Variants in CSMD1 observed in about 807,000 individuals in gnomAD.
CSMD1 encodes the protein CUB and Sushi multiple domains 1, also known as CUB and sushi domain-containing protein 1.
A neutral mutation model predicts 417.5 loss-of-function variants in CSMD1; 213 were observed. The ratio of observed to expected loss-of-function variants is 0.51; its 90% CI spans 0.46 to 0.57. The LOEUF is 0.57. Ranked by LOEUF, CSMD1 falls within the 20% of genes least tolerant of loss-of-function variation. The pLI, the probability that CSMD1 is intolerant of heterozygous loss-of-function variation, is 0.00. For missense variants in CSMD1, 6,923 were observed against 4,529.7 expected, an observed-to-expected ratio of 1.53 and a Z score of -15.17; for synonymous variants, 2,862 against 1,736.8, an observed-to-expected ratio of 1.65 and a Z score of -16.11.
At chr8:4,601,235 C>T (rs766654527) in intron 2 of CSMD1, among the ~76,000 whole-genome samples, 7 of 152,240 alleles carry the variant, frequency 4.6e-5, no homozygotes, top group East Asian at 3.9e-4. Context: ...GGATTACAGG[C>T]GTGAGCCACC....
chr8:4,128,168 G>C (rs992340922), intron 3 of CSMD1, among the ~76,000 whole-genome samples: 1 of 152,060 alleles, frequency 6.6e-6, no homozygotes, highest in South Asian at 2.1e-4. Context: ...TGCACTCTTG[G>C]TCGGGGACCC....
Position 4,173,410 on chromosome 8 carries a change from G to A in CSMD1, c.416-141311C>T, listed in dbSNP as rs151087252. Among the ~76,000 whole-genome samples, 119 of 152,136 alleles carry A rather than the reference G, an allele frequency of 7.8e-4. 2 individuals are homozygous for A. The East Asian group carries it at 0.014, about 19-fold the overall frequency. On this transcript the variant is annotated intron_variant, in intron 3 of 69. Coordinates refer to ENST00000635120, the MANE Select transcript of CSMD1 (RefSeq NM_033225.6). The stretch of plus-strand genomic sequence containing the variant: ...ATAAAGAGAAGTTTGCATTTAACGT[G>A]GTGACTACAGAGGTAAAGGTCACCA...
intron 38 of CSMD1, among the ~76,000 whole-genome samples, 151 bp from the exon 39 acceptor site, chr8:3,158,117 T>G (rs1359598979): frequency 6.6e-6 from 1 of 152,220 alleles, no homozygotes; most frequent in African/African-American, 2.4e-5. Flanking sequence ...TTAGTAATGA[T>G]TATTAGTGAG....
intron 5 of CSMD1, among the ~76,000 whole-genome samples, chr8:3,881,906 G>C (rs904212552): frequency 2.0e-5 from 3 of 152,132 alleles, no homozygotes; most frequent in Non-Finnish European, 4.4e-5. Flanking sequence ...TGTTCATACA[G>C]AAAAAGTTAC....
intron 1 of CSMD1, among the ~76,000 whole-genome samples, chr8:4,820,541 G>C (rs147508934): frequency 6.6e-6 from 1 of 152,166 alleles, no homozygotes; most frequent in African/African-American, 2.4e-5. Flanking sequence ...GAATAATAAG[G>C]GAATGATCCA....
At chr8:2,978,365 G>C (rs1187693814) in intron 55 of CSMD1, among the ~76,000 whole-genome samples, 1 of 152,166 alleles carries the variant, frequency 6.6e-6, no homozygotes, top group Non-Finnish European at 1.5e-5. Context: ...TTGTCCAAGT[G>C]GCATCCAATA....
chr8:4,588,859 C>A (rs953727620), intron 2 of CSMD1, among the ~76,000 whole-genome samples: 1 of 151,882 alleles, frequency 6.6e-6, no homozygotes, highest in African/African-American at 2.4e-5. Flanking sequence ...GCTCAAGCTT[C>A]CACTGACGCG....
At chr8:3,299,153 T>TA (rs566790003) in intron 25 of CSMD1, among the ~76,000 whole-genome samples, 289 of 152,012 alleles carry the variant, frequency 1.9e-3, no homozygotes, top group Middle Eastern at 0.014. Flanking sequence ...TAAAGGAAGT[T>TA]AAAAAAAATG....
intron 3 of CSMD1, among the ~76,000 whole-genome samples, chr8:4,241,246 A>C (rs1199795099): frequency 6.6e-6 from 1 of 152,160 alleles, no homozygotes; most frequent in African/African-American, 2.4e-5. Flanking sequence ...GACACCCTTC[A>C]TATACACCAC....
chr8:4,040,210 T>C (rs571287586), intron 3 of CSMD1, among the ~76,000 whole-genome samples: 2 of 152,348 alleles, frequency 1.3e-5, no homozygotes, highest in South Asian at 2.1e-4. Context: ...TCGTAGTTTT[T>C]CATTTAGCAA....
intron 3 of CSMD1, among the ~76,000 whole-genome samples, chr8:4,136,404 G>C (rs1803438317): frequency 6.6e-6 from 1 of 152,126 alleles, no homozygotes; most frequent in South Asian, 2.1e-4. Flanking sequence ...AGGGTCCCTT[G>C]AAATAAATAA....
rs1005862907 is a variant in CSMD1, at chr8:4,864,887, C to CACACAT, written c.85+129444_85+129445insATGTGT. On this transcript the variant is annotated intron_variant, in intron 1 of 69. Transcript: ENST00000635120. ...TATTGGATTCTACTACACACACACA[C>CACACAT]ACACACACAAACACACACACACACA... Among the ~76,000 whole-genome samples, 133 of 149,774 alleles carry CACACAT rather than the reference C, an allele frequency of 8.9e-4. 2 individuals carry two copies. The highest frequency in any genetic ancestry group is 3.3e-3 in the African/African-American group (131 of 40,250).
At position 3,796,780 on chromosome 8, in the gene CSMD1, C is replaced by T. The variant is rs555377219; in HGVS notation, c.819-42738G>A. On this transcript the variant is annotated intron_variant, in intron 5 of 69. Coordinates refer to ENST00000635120, the MANE Select transcript of CSMD1 (RefSeq NM_033225.6). The stretch of plus-strand genomic sequence containing the variant: ...TACAAAATATTCTGATCATCATATT[C>T]TTGAAATTCCATTCACTTCATTTTC... Among the ~76,000 whole-genome samples the T allele has an allele frequency of 2.1e-3, 325 of 151,254 alleles. 3 individuals are homozygous for T. Among genetic ancestry groups the T allele is most frequent in the African/African-American group, 7.3e-3 (301 of 41,430 alleles).
intron 1 of CSMD1, among the ~76,000 whole-genome samples, chr8:4,765,168 C>G (rs1017792777): frequency 6.6e-6 from 1 of 151,954 alleles, no homozygotes; most frequent in Non-Finnish European, 1.5e-5. Flanking sequence ...GACTTTTTTT[C>G]TTTATTTTTT....
intron 7 of CSMD1, among the ~76,000 whole-genome samples, chr8:3,633,403 G>C (rs1364682116): frequency 6.6e-6 from 1 of 152,170 alleles, no homozygotes; most frequent in Non-Finnish European, 1.5e-5. Context: ...AACTAGGCAA[G>C]ACTTCACAGT....
chr8:3,278,109 A>G (rs1212922819), intron 26 of CSMD1, among the ~76,000 whole-genome samples: 1 of 152,190 alleles, frequency 6.6e-6, no homozygotes, highest in African/African-American at 2.4e-5. Flanking sequence ...GAATCAGCCA[A>G]AGAGCCAATG....
At chr8:3,957,948 G>T (rs577873286) in intron 5 of CSMD1, among the ~76,000 whole-genome samples, 1 of 152,066 alleles carries the variant, frequency 6.6e-6, no homozygotes, top group Non-Finnish European at 1.5e-5. Context: ...ATCCTGCAGG[G>T]TATAAAATAT....
At chr8:4,680,232 G>C (rs1348759985) in intron 1 of CSMD1, among the ~76,000 whole-genome samples, 2 of 152,094 alleles carry the variant, frequency 1.3e-5, no homozygotes, top group Non-Finnish European at 2.9e-5. Flanking sequence ...TGTGCTTCTG[G>C]ACATTCCGCT....
Position 3,753,915 on chromosome 8 carries a change from A to C in CSMD1, c.931+15T>G. On this transcript the variant is annotated intron_variant, in intron 6 of 69. Transcript: ENST00000635120. ...CTCTGTTTTTTTTTTTTCTTATAAG[A>C]TGGAGCATCCTTACCTTGGAACTGA... is the stretch of plus-strand genomic sequence containing the variant. The C allele has an allele frequency of 1.3e-6, 2 of 1,540,694 alleles. No individual in the cohort carries two copies. Among genetic ancestry groups the C allele is most frequent in the African/African-American group, 1.4e-5 (1 of 72,896 alleles).
Sources: gnomAD v4.1 joint callset for allele counts (sites outside exome capture counted in the v4.1 genomes callset) on GRCh38, gnomAD v4.1.1 for gene constraint, MANE v1.5 for transcripts, NCBI Gene and HGNC (gene_info 2026-07-23, HGNC 2026-07-21) for gene names.